Variants in XYLT1 observed in about 807,000 individuals in gnomAD.
XYLT1 encodes the protein beta-D-xylosyltransferase 1.
Under a neutral mutation model 91.3 loss-of-function variants are expected in XYLT1, and 36 were observed. The observed-to-expected ratio is 0.39, with a 90% CI of 0.30 to 0.52. The LOEUF is 0.52. Ranked by LOEUF, XYLT1 falls within the 20% of genes least tolerant of loss-of-function variation. The pLI is 0.68. For synonymous variants in XYLT1, 588 were observed against 532.0 expected, an observed-to-expected ratio of 1.11 and a Z score of -1.45; for missense variants, 1,242 against 1,284.5, an observed-to-expected ratio of 0.97 and a Z score of 0.51.
chr16:17,212,545 A>G (rs750931277), intron 3 of XYLT1, among the ~76,000 whole-genome samples: 2 of 152,142 alleles, frequency 1.3e-5, no homozygotes, highest in Non-Finnish European at 2.9e-5. Context: ...TCAAATGCTC[A>G]TGGCCACTCA....
At chr16:17,407,409 G>C (rs1386956402) in intron 1 of XYLT1, among the ~76,000 whole-genome samples, 1 of 152,184 alleles carries the variant, frequency 6.6e-6, no homozygotes, top group East Asian at 1.9e-4. Context: ...TGCCTGCTAA[G>C]CCCAGTGACA....
At chr16:17,234,217 C>T (rs2033211271) in intron 3 of XYLT1, among the ~76,000 whole-genome samples, 1 of 152,152 alleles carries the variant, frequency 6.6e-6, no homozygotes, top group African/African-American at 2.4e-5. Context: ...TTGTGAGTGA[C>T]AGAGCCTGGA....
chr16:17,393,617 A>G (rs1357126022), intron 1 of XYLT1, among the ~76,000 whole-genome samples: 1 of 152,074 alleles, frequency 6.6e-6, no homozygotes, highest in Admixed American at 6.6e-5. Flanking sequence ...TAGAGTTCGG[A>G]AAAATGTCAT....
chr16:17,391,334 C>T (rs1428545551), intron 1 of XYLT1, among the ~76,000 whole-genome samples: 1 of 152,130 alleles, frequency 6.6e-6, no homozygotes, highest in Non-Finnish European at 1.5e-5. Context: ...CCATTTTCCA[C>T]CCACCCCTGT....
At chr16:17,238,146 C>A (rs948519488) in intron 3 of XYLT1, among the ~76,000 whole-genome samples, 2 of 152,172 alleles carry the variant, frequency 1.3e-5, no homozygotes, top group East Asian at 1.9e-4. Context: ...CCTGGAGAAA[C>A]AAGTTGCAGT....
chr16:17,360,928 C>T lies in XYLT1; in HGVS notation c.364-2878G>A, dbSNP rs150709506. Among the ~76,000 whole-genome samples the T allele has an allele frequency of 6.7e-3, 1,027 of 152,254 alleles. 8 individuals are homozygous for T. The highest frequency in any genetic ancestry group is 0.022 in the African/African-American group (933 of 41,538). Reference sequence around the variant, plus strand: ...ATGCCGGTACCAGTAACCATGGAACCGCCTACAACAAGGAAAGCCCTTTCC... The same window carrying T: ...ATGCCGGTACCAGTAACCATGGAACTGCCTACAACAAGGAAAGCCCTTTCC... On this transcript the variant is annotated intron_variant, in intron 1 of 11. Transcript: ENST00000261381.
At chr16:17,420,343 C>T (rs192186746) in intron 1 of XYLT1, among the ~76,000 whole-genome samples, 77 of 152,276 alleles carry the variant, frequency 5.1e-4, no homozygotes, top group African/African-American at 1.7e-3. Context: ...AAACGTGCTA[C>T]GCTAATTATT....
chr16:17,303,411 T>C (rs902362695), intron 2 of XYLT1, among the ~76,000 whole-genome samples: 2 of 152,240 alleles, frequency 1.3e-5, no homozygotes, highest in African/African-American at 4.8e-5. Flanking sequence ...ATCTATCTGG[T>C]CCTCTACAGA....
At chr16:17,244,158 C>T (rs1454194692) in intron 3 of XYLT1, among the ~76,000 whole-genome samples, 1 of 152,068 alleles carries the variant, frequency 6.6e-6, no homozygotes, top group Non-Finnish European at 1.5e-5. Context: ...AGGATGTTCT[C>T]CCAGGTCCGG....
At chr16:17,109,165 GTC>G in intron 11 of XYLT1, 148 bp from the exon 12 acceptor site, 1 of 893,456 alleles carries the variant, frequency 1.1e-6, no homozygotes, top group African/African-American at 1.7e-5. Context: ...TCTTTTAGCA[GTC>G]CCATTTCACA....
chr16:17,344,710 C>CTTT (rs879806292), intron 2 of XYLT1, among the ~76,000 whole-genome samples: 1 of 143,478 alleles, frequency 7.0e-6, no homozygotes, highest in Admixed American at 7.0e-5. Flanking sequence ...TCTAAGGATT[C>CTTT]TTTTTTTTTT....
intron 3 of XYLT1, among the ~76,000 whole-genome samples, chr16:17,256,337 T>A (rs2033630061): frequency 6.6e-6 from 1 of 152,080 alleles, no homozygotes. Context: ...AGCCTCATGT[T>A]CTTATCTGTC....
intron 1 of XYLT1, among the ~76,000 whole-genome samples, chr16:17,406,207 T>G (rs1253749666): frequency 6.6e-6 from 1 of 152,166 alleles, no homozygotes; most frequent in Non-Finnish European, 1.5e-5. Context: ...GACTCCACTA[T>G]TCATGCATTC....
At chr16:17,327,361 CTTTTTTTTTT>C (rs138879762) in intron 2 of XYLT1, among the ~76,000 whole-genome samples, 1 of 108,080 alleles carries the variant, frequency 9.3e-6, no homozygotes, top group Middle Eastern at 5.1e-3. Context: ...TTTCTTTTTT[CTTTTTTTTTT>C]TTTTTTTTTG....
At chr16:17,145,933 T>C (rs936531488) in intron 6 of XYLT1, among the ~76,000 whole-genome samples, 3 of 152,222 alleles carry the variant, frequency 2.0e-5, no homozygotes, top group Admixed American at 6.5e-5. Context: ...AGGTAGCCTT[T>C]ATTCTCACTA....
intron 3 of XYLT1, among the ~76,000 whole-genome samples, chr16:17,252,919 G>T (rs954664151): frequency 3.3e-5 from 5 of 152,132 alleles, no homozygotes; most frequent in African/African-American, 1.2e-4. Context: ...GAAACACAGG[G>T]CATCCATCTG....
intron 3 of XYLT1, among the ~76,000 whole-genome samples, chr16:17,209,792 C>T (rs1047984213): frequency 2.0e-5 from 3 of 152,226 alleles, no homozygotes; most frequent in African/African-American, 7.2e-5. Context: ...GGTGTGACTC[C>T]GCGGACCTCG....
At chr16:17,335,757 G>A (rs2034971445) in intron 2 of XYLT1, among the ~76,000 whole-genome samples, 1 of 150,262 alleles carries the variant, frequency 6.7e-6, no homozygotes, top group African/African-American at 2.4e-5. Context: ...TCCATGTAAT[G>A]TCTGTTGTTT....
intron 6 of XYLT1, among the ~76,000 whole-genome samples, chr16:17,145,308 C>A (rs1181474971): frequency 6.6e-6 from 1 of 152,154 alleles, no homozygotes; most frequent in Non-Finnish European, 1.5e-5. Flanking sequence ...GGGTCTGTAT[C>A]CTCACCCTAG....
Sources: allele counts gnomAD v4.1 joint callset (sites outside exome capture counted in the v4.1 genomes callset), GRCh38; gene constraint gnomAD v4.1.1; transcripts MANE v1.5; gene names NCBI Gene and HGNC (gene_info 2026-07-23, HGNC 2026-07-21).